The following MYO16 variants were observed in gnomAD, a reference collection of about 807,000 sequenced individuals.
The protein encoded by MYO16 is myosin XVI, also known as unconventional myosin-XVI.
In MYO16, 94 loss-of-function variants were observed where a neutral mutation model predicts 205.3. The ratio of observed to expected loss-of-function variants is 0.46; its 90% CI spans 0.39 to 0.54. MYO16 has a LOEUF of 0.54. MYO16 is among the 20% of genes least tolerant of loss of function. The pLI, the probability that MYO16 is intolerant of heterozygous loss-of-function variation, is 0.00. For synonymous variants in MYO16, 988 were observed against 954.0 expected (o/e 1.04, Z -0.66); for missense variants, 2,315 against 2,387.5 (o/e 0.97, Z 0.63).
At position 108,888,451 on chromosome 13, in the gene MYO16, G is replaced by C. The variant is rs767966479; in HGVS notation, c.1633G>C (p.Ala545Pro). ...HLTCRAGASR[A>P]TLDSRFKHVV... ...CACCTGCAGGGCTGGCGCCAGCAGGGCCACACTGGATTCCAGATTCAAACA... is the reference window on the plus strand; with the variant it reads ...CACCTGCAGGGCTGGCGCCAGCAGGCCCACACTGGATTCCAGATTCAAACA... Residue 545 changes from alanine (A) to proline (P), a missense_variant, in exon 14 of 35, where the codon GCC (alanine) becomes CCC (proline). Ala to Pro is a conservative substitution (Grantham distance 27). Coordinates refer to ENST00000457511, the MANE Select transcript of MYO16 (RefSeq NM_001198950.3). 6.2e-7 allele frequency: 1 copy of C among 1,606,810 alleles called. No homozygotes were observed. The highest frequency in any genetic ancestry group is 1.7e-5 in the Admixed American group (1 of 58,198).
At chr13:109,160,959 C>T (rs1256230496) in intron 32 of MYO16, among the ~76,000 whole-genome samples, 1 of 152,122 alleles carries the variant, frequency 6.6e-6, no homozygotes, top group African/African-American at 2.4e-5. Context: ...GCTAAGCTAC[C>T]ACTTTACGGG....
intron 1 of MYO16, among the ~76,000 whole-genome samples, chr13:108,597,693 T>C (rs936628951): frequency 1.3e-5 from 2 of 152,156 alleles, no homozygotes; most frequent in Admixed American, 6.5e-5. Context: ...ACTTTCTAAT[T>C]TCAGTCAGCC....
In MYO16 at chr13:109,206,987, CGTGTGTGT is replaced by C. The variant is rs111750738; in HGVS notation, c.*162_*169del. On this transcript the variant is annotated 3_prime_UTR_variant, in exon 35 of 35. Transcript: ENST00000457511. Reference sequence around the variant, plus strand: ...CACAGACACTAAATATATGAGATCCCGTGTGTGTGTGTGTGTGTTTGTGTGTGTGTGTG... The same window carrying C: ...CACAGACACTAAATATATGAGATCCCGTGTGTGTGTTTGTGTGTGTGTGTG... 1.0e-5 allele frequency: 6 copies of C among 571,704 alleles called. No homozygotes were observed. The highest frequency in any genetic ancestry group is 1.8e-5 in the Non-Finnish European group (6 of 327,164). The allele number at this position is 571,704 out of a possible 1,614,324, so 35.4% of individuals were successfully genotyped here. A position where few individuals can be genotyped will look rare whatever the true frequency, so the allele number is the denominator to read the frequency against.
intron 2 of MYO16, among the ~76,000 whole-genome samples, chr13:108,694,031 G>A (rs961110999): frequency 6.6e-6 from 1 of 152,142 alleles, no homozygotes; most frequent in Non-Finnish European, 1.5e-5. Flanking sequence ...CCCTGCAAAG[G>A]ATACAATCTC....
At chr13:108,885,369 C>T (rs974224424) in intron 13 of MYO16, among the ~76,000 whole-genome samples, 11 of 152,120 alleles carry the variant, frequency 7.2e-5, no homozygotes, top group Admixed American at 1.3e-4. Context: ...ATCCACCTGC[C>T]TCGGCCTGCC....
chr13:109,103,092 G>A (rs879483869), intron 28 of MYO16, among the ~76,000 whole-genome samples: 2 of 151,994 alleles, frequency 1.3e-5, no homozygotes, highest in Non-Finnish European at 2.9e-5. Flanking sequence ...CAGAAATGAA[G>A]CATATTCATA....
At chr13:108,661,859 C>T (rs1881517126) in intron 1 of MYO16, among the ~76,000 whole-genome samples, 1 of 152,018 alleles carries the variant, frequency 6.6e-6, no homozygotes, top group African/African-American at 2.4e-5. Flanking sequence ...GTTGAAGAGC[C>T]TTGTTTTGTC....
At position 109,164,943 on chromosome 13, in the gene MYO16, G is replaced by C. The variant is rs1023863348; in HGVS notation, c.5207G>C (p.Ser1736Thr). The change falls in exon 33 of 35, where the codon AGT (serine) becomes ACT (threonine). Residue 1736 changes from serine to threonine, a missense_variant. By Grantham distance (58) the Ser-to-Thr change is moderately conservative. Transcript: ENST00000457511. ...AACATAAGTAGCCGAGATGACCCTA[G>C]TACGTCAGAAATTACTTCCGAGACT... is the stretch of plus-strand genomic sequence containing the variant. ...NMNISSRDDPSTSEITSETQD... is the reference protein window; with the variant it reads ...NMNISSRDDPTTSEITSETQD... 6.2e-7 allele frequency: 1 copy of C among 1,607,100 alleles called. No homozygotes were observed. The highest frequency in any genetic ancestry group is 8.5e-7 in the Non-Finnish European group (1 of 1,176,736).
intron 1 of MYO16, among the ~76,000 whole-genome samples, chr13:108,636,357 T>TGTGTG (rs1248370044): frequency 1.8e-4 from 11 of 60,718 alleles, no homozygotes; most frequent in Non-Finnish European, 2.8e-4. Flanking sequence ...TTTTTTTTTT[T>TGTGTG]TTTTTTTTTT....
intron 27 of MYO16, among the ~76,000 whole-genome samples, chr13:109,096,125 A>G (rs1055281221): frequency 5.9e-5 from 9 of 152,164 alleles, no homozygotes; most frequent in Admixed American, 5.2e-4. Context: ...TCCATGGCTT[A>G]AAGCAGTAGG....
chr13:108,496,566 C>T, the MYO16 span, among the ~76,000 whole-genome samples: 1 of 152,186 alleles, frequency 6.6e-6, no homozygotes, highest in Non-Finnish European at 1.5e-5. Context: ...CGAGCCTCAG[C>T]GCATCGCCCC....
intron 4 of MYO16, among the ~76,000 whole-genome samples, chr13:108,776,087 T>C (rs931380167): frequency 1.5e-4 from 23 of 152,154 alleles, no homozygotes; most frequent in Non-Finnish European, 2.9e-5. Context: ...GAATCTACAT[T>C]CCCAGCTTCA....
chr13:109,102,552 GGAGA>G (rs374651124), intron 28 of MYO16, among the ~76,000 whole-genome samples: 20 of 151,658 alleles, frequency 1.3e-4, no homozygotes, highest in African/African-American at 4.4e-4. Flanking sequence ...TGTGTATGAG[GGAGA>G]GAGAGAGGGA....
chr13:109,036,653 C>T (rs1886726318), intron 23 of MYO16, among the ~76,000 whole-genome samples: 1 of 152,070 alleles, frequency 6.6e-6, no homozygotes, highest in South Asian at 2.1e-4. Flanking sequence ...AGAATCATTC[C>T]AAAGGAAATT....
chr13:108,559,714 C>T, the MYO16 span, among the ~76,000 whole-genome samples: 1 of 151,966 alleles, frequency 6.6e-6, no homozygotes, highest in Non-Finnish European at 1.5e-5. Context: ...TCGTGATCCG[C>T]CCACCTCAGC....
chr13:108,728,444 G>A (rs1452192439), intron 4 of MYO16, among the ~76,000 whole-genome samples: 1 of 150,986 alleles, frequency 6.6e-6, no homozygotes. Context: ...ACCAATTACC[G>A]CCTAGTTGGT....
intron 32 of MYO16, among the ~76,000 whole-genome samples, chr13:109,164,592 C>T (rs937546398): frequency 1.3e-5 from 2 of 152,142 alleles, no homozygotes; most frequent in African/African-American, 4.8e-5. Flanking sequence ...GAAACATGAA[C>T]TCATTGCTTT....
chr13:108,990,814 G>A (rs1884803307), intron 20 of MYO16, among the ~76,000 whole-genome samples: 2 of 151,988 alleles, frequency 1.3e-5, no homozygotes, highest in South Asian at 4.2e-4. Flanking sequence ...ACAGAATTAT[G>A]ACTACATTTT....
intron 4 of MYO16, among the ~76,000 whole-genome samples, chr13:108,769,719 A>G (rs1454348787): frequency 6.6e-6 from 1 of 152,204 alleles, no homozygotes; most frequent in African/African-American, 2.4e-5. Flanking sequence ...ATGATTCATC[A>G]GGAAGGAAAG....
Sources: gnomAD v4.1 joint callset for allele counts (sites outside exome capture counted in the v4.1 genomes callset) on GRCh38, gnomAD v4.1.1 for gene constraint, MANE v1.5 for transcripts, NCBI Gene and HGNC (gene_info 2026-07-23, HGNC 2026-07-21) for gene names.